SLC24A3: variants seen among roughly 807,000 people sequenced by gnomAD.
SLC24A3 encodes solute carrier family 24 member 3, also known as sodium/potassium/calcium exchanger 3.
A neutral mutation model predicts 75.8 loss-of-function variants in SLC24A3; 28 were observed. That is an observed-to-expected ratio of 0.37 (90% CI 0.27 to 0.51). The LOEUF (loss-of-function observed/expected upper bound fraction) is 0.51. Ranked by LOEUF, SLC24A3 falls within the 20% of genes least tolerant of loss-of-function variation. The pLI is 0.94. For missense variants in SLC24A3, 663 were observed against 847.8 expected, an observed-to-expected ratio of 0.78 and a Z score of 2.71; for synonymous variants, 372 against 334.1, an observed-to-expected ratio of 1.11 and a Z score of -1.24.
chr20:19,695,545 A>G (rs1230371091), intron 13 of SLC24A3: 1 of 152,198 alleles, frequency 6.6e-6, no homozygotes, highest in Non-Finnish European at 1.5e-5. Flanking sequence ...AAGCGGTACA[A>G]GTAAATTTGT....
chr20:19,326,444 A>AC (rs1984864484), intron 2 of SLC24A3, among the ~76,000 whole-genome samples: 1 of 152,124 alleles, frequency 6.6e-6, no homozygotes, highest in Admixed American at 6.5e-5. Context: ...GGCCAAATCC[A>AC]CCTGGAAGCC....
intron 2 of SLC24A3, among the ~76,000 whole-genome samples, chr20:19,508,273 G>A (rs139875767): frequency 4.6e-5 from 7 of 152,228 alleles, no homozygotes; most frequent in East Asian, 1.9e-4. Context: ...GCCATCCTTC[G>A]GTGCAATTCC....
At chr20:19,556,576 GAAAAA>G (rs10591708) in intron 3 of SLC24A3, among the ~76,000 whole-genome samples, 1 of 131,016 alleles carries the variant, frequency 7.6e-6, no homozygotes, top group Admixed American at 7.7e-5. Flanking sequence ...GCCAGTGTGT[GAAAAA>G]AAAAAAAAAA....
Position 19,325,795 on chromosome 20 carries a change from T to TATATATAGAG in SLC24A3, c.271+44709_271+44710insTATATAGAGA, listed in dbSNP as rs1251419875. Among the ~76,000 whole-genome samples, 107 of 67,768 alleles carry TATATATAGAG rather than the reference T, an allele frequency of 1.6e-3. 2 individuals are homozygous for TATATATAGAG. Among genetic ancestry groups the TATATATAGAG allele is most frequent in the African/African-American group, 2.5e-3 (45 of 18,042 alleles). The allele number at this position is 67,768 out of a possible 152,430, so 44.5% of individuals were successfully genotyped here. A position where few individuals can be genotyped will look rare whatever the true frequency, so the allele number is the denominator to read the frequency against. The stretch of plus-strand genomic sequence containing the variant: ...ATATATACATATATATATATATATA[T>TATATATAGAG]AGAGAGAGAGAGAGAGAGAGAGAGA... On this transcript the variant is annotated intron_variant, in intron 2 of 16. Transcript: ENST00000328041.
chr20:19,502,432 G>A (rs1988397739), intron 2 of SLC24A3, among the ~76,000 whole-genome samples: 1 of 152,164 alleles, frequency 6.6e-6, no homozygotes, highest in Non-Finnish European at 1.5e-5. Context: ...AAACTGAGAA[G>A]TGCAAGCCTC....
chr20:19,505,854 AG>A (rs1291743414), intron 2 of SLC24A3, among the ~76,000 whole-genome samples: 4 of 152,214 alleles, frequency 2.6e-5, no homozygotes, highest in South Asian at 4.1e-4. Flanking sequence ...GAAGGTGCTT[AG>A]TACAAAAGAC....
chr20:19,509,469 C>T (rs956067079), intron 2 of SLC24A3, among the ~76,000 whole-genome samples: 56 of 152,198 alleles, frequency 3.7e-4, no homozygotes, highest in African/African-American at 1.3e-3. Context: ...CCAAGAAGCA[C>T]TTGGCAGAGC....
intron 2 of SLC24A3, among the ~76,000 whole-genome samples, chr20:19,314,653 T>C (rs916848301): frequency 1.3e-5 from 2 of 152,214 alleles, no homozygotes; most frequent in Non-Finnish European, 2.9e-5. Context: ...CACTTAAGCA[T>C]TCTCATTCCT....
chr20:19,669,623 G>T (rs1196412612), intron 8 of SLC24A3, among the ~76,000 whole-genome samples: 1 of 152,186 alleles, frequency 6.6e-6, no homozygotes, highest in Non-Finnish European at 1.5e-5. Context: ...GAGTCTGAAG[G>T]CCCAACAAGA....
chr20:19,584,325 C>G lies in SLC24A3; in HGVS notation c.424-646C>G, dbSNP rs370605757. On this transcript the variant is annotated intron_variant, in intron 4 of 16. Transcript: ENST00000328041. The stretch of plus-strand genomic sequence containing the variant: ...TGATCCCGGGGTTTCCAGAATGCCT[C>G]AAGGAAGGGGAGTGGGTTTCAGGAG... Among the ~76,000 whole-genome samples, 26 of 152,194 alleles carry G rather than the reference C, an allele frequency of 1.7e-4. No homozygotes were observed. In the East Asian group the frequency reaches 4.9e-3, roughly 28 times the overall value.
chr20:19,706,015 G>GA (rs1171961738), intron 15 of SLC24A3, among the ~76,000 whole-genome samples: 7 of 152,156 alleles, frequency 4.6e-5, no homozygotes, highest in Non-Finnish European at 8.8e-5. Flanking sequence ...CAGGCTCCAG[G>GA]AAGCCAGGGC....
intron 3 of SLC24A3, among the ~76,000 whole-genome samples, chr20:19,527,560 C>G (rs535013582): frequency 6.6e-6 from 1 of 152,228 alleles, no homozygotes; most frequent in South Asian, 2.1e-4. Flanking sequence ...TCAGGAAACC[C>G]CTGCTCATGA....
chr20:19,665,574 G>A (rs187319925), intron 7 of SLC24A3, among the ~76,000 whole-genome samples: 1 of 152,280 alleles, frequency 6.6e-6, no homozygotes, highest in East Asian at 1.9e-4. Context: ...CTGTCACTCT[G>A]ATGTTGTACA....
At position 19,681,950 on chromosome 20, in the gene SLC24A3, ACAG is replaced by A. The variant is rs1314563340; in HGVS notation, c.866_868del (p.Ser289del). The A allele has an allele frequency of 2.5e-6, 4 of 1,614,122 alleles. No homozygotes were observed. The highest frequency in any genetic ancestry group is 3.4e-6 in the Non-Finnish European group (4 of 1,180,052). ...TTGGCCAACAATGCTGAAATTGATG[ACAG>A]CAGCAACTGCGACGCAACTGTGGTG... On this transcript the variant is annotated inframe_deletion, in exon 10 of 17. Transcript: ENST00000328041.
intron 2 of SLC24A3, among the ~76,000 whole-genome samples, chr20:19,355,834 T>C (rs907584411): frequency 1.3e-5 from 2 of 152,202 alleles, no homozygotes; most frequent in Non-Finnish European, 2.9e-5. Context: ...TAATGGGCTG[T>C]AAAATACCTG....
chr20:19,328,512 C>T (rs968899471), intron 2 of SLC24A3, among the ~76,000 whole-genome samples: 1 of 152,124 alleles, frequency 6.6e-6, no homozygotes, highest in African/African-American at 2.4e-5. Context: ...CATGGTTTGC[C>T]TTCTTGCAGG....
intron 3 of SLC24A3, among the ~76,000 whole-genome samples, chr20:19,538,568 G>A (rs2073076356): frequency 1.3e-5 from 2 of 152,142 alleles, no homozygotes; most frequent in South Asian, 4.1e-4. Context: ...AAATCACAAT[G>A]TAGTACCACT....
chr20:19,368,331 C>T (rs1195836928), intron 2 of SLC24A3, among the ~76,000 whole-genome samples: 1 of 152,204 alleles, frequency 6.6e-6, no homozygotes, highest in African/African-American at 2.4e-5. Flanking sequence ...GAGTTAAAAG[C>T]AGCAAACCAA....
At chr20:19,671,349 G>A (rs182121825) in intron 8 of SLC24A3, among the ~76,000 whole-genome samples, 20 of 152,336 alleles carry the variant, frequency 1.3e-4, no homozygotes, top group African/African-American at 4.6e-4. Flanking sequence ...AAGGAAAAAG[G>A]AAACTTTCAT....
Sources: allele counts gnomAD v4.1 joint callset (sites outside exome capture counted in the v4.1 genomes callset), GRCh38; gene constraint gnomAD v4.1.1; transcripts MANE v1.5; gene names NCBI Gene and HGNC (gene_info 2026-07-23, HGNC 2026-07-21).